The following SH2D1B variants were observed in gnomAD, a reference collection of about 807,000 sequenced individuals.
The protein encoded by SH2D1B is SH2 domain containing 1B.
A neutral mutation model predicts 16.3 loss-of-function variants in SH2D1B; 11 were observed. The ratio of observed to expected loss-of-function variants is 0.67; its 90% CI spans 0.42 to 1.11. The LOEUF is 1.11. SH2D1B is among the 50% of genes most tolerant of loss of function. The pLI, the probability that SH2D1B is intolerant of heterozygous loss-of-function variation, is 0.00. For missense variants in SH2D1B, 123 were observed against 153.1 expected (o/e 0.80, Z 1.04); for synonymous variants, 55 against 56.1 (o/e 0.98, Z 0.09).
intron 1 of SH2D1B, 31 bp downstream of exon 1, chr1:162,411,852 T>C: frequency 6.2e-7 from 1 of 1,613,750 alleles, no homozygotes; most frequent in South Asian, 1.1e-5. Flanking sequence ...CAACATACGA[T>C]GTCAGATGTG....
chr1:162,398,567 C>T (rs164122), intron 3 of SH2D1B, among the ~76,000 whole-genome samples: 52,299 of 152,036 alleles, frequency 0.34, 9,703 homozygotes, highest in East Asian at 0.55. Context: ...ACAGTATACG[C>T]TTTGGGGAGG....
chr1:162,403,396 C>A (rs374023182), intron 1 of SH2D1B, among the ~76,000 whole-genome samples: 2,552 of 144,814 alleles, frequency 0.018, 50 homozygotes, highest in South Asian at 0.097. Flanking sequence ...GGCTGAGGCA[C>A]GAGAATCGCT....
At chr1:162,403,828 A>C (rs969057777) in intron 1 of SH2D1B, among the ~76,000 whole-genome samples, 1 of 151,908 alleles carries the variant, frequency 6.6e-6, no homozygotes, top group South Asian at 2.1e-4. Context: ...CCTAACTGAA[A>C]TAAGCCAGGC....
chr1:162,396,983 C>T lies in SH2D1B; in HGVS notation c.*297G>A, dbSNP rs1051413034. 2.4e-5 allele frequency: 9 copies of T among 367,840 alleles called. No individual in the cohort carries two copies. Among genetic ancestry groups the T allele is most frequent in the Non-Finnish European group, 4.1e-5 (8 of 194,952 alleles). The allele number at this position is 367,840 out of a possible 1,614,324, so 22.8% of individuals were successfully genotyped here. A position where few individuals can be genotyped will look rare whatever the true frequency, so the allele number is the denominator to read the frequency against. On this transcript the variant is annotated 3_prime_UTR_variant, in exon 4 of 4. Transcript: ENST00000367929. ...TGCATGGTCCAAAGGAGGGTGTCAA[C>T]CATGATGTAGGGTGGTACCTTTAAC...
intron 2 of SH2D1B, among the ~76,000 whole-genome samples, chr1:162,400,879 C>T (rs977174875): frequency 4.6e-5 from 7 of 152,008 alleles, no homozygotes; most frequent in Admixed American, 3.9e-4. Context: ...AACCAGGACG[C>T]GGAAGTTGCA....
intron 2 of SH2D1B, 25 bp from the exon 3 acceptor site, chr1:162,399,112 C>T (rs368609646): frequency 2.0e-4 from 323 of 1,590,152 alleles, no homozygotes; most frequent in Non-Finnish European, 8.8e-5. Context: ...GAAAGGAAAT[C>T]ACTCATTATC....
At chr1:162,401,265 C>T (rs1193102636) in intron 2 of SH2D1B, among the ~76,000 whole-genome samples, 4 of 152,052 alleles carry the variant, frequency 2.6e-5, no homozygotes, top group African/African-American at 9.7e-5. Flanking sequence ...CTATTTTGTC[C>T]ACACAAGAGA....
chr1:162,409,285 A>G (rs572266438), intron 1 of SH2D1B, among the ~76,000 whole-genome samples: 32 of 151,934 alleles, frequency 2.1e-4, no homozygotes, highest in Non-Finnish European at 3.5e-4. Flanking sequence ...TGTTGCCATC[A>G]TTTCCCAGCT....
rs571241517 is a variant in SH2D1B at position 162,400,831 on chromosome 1, C to T, written c.199-1744G>A. 1.5e-4 allele frequency among the ~76,000 whole-genome samples: 23 copies of T among 152,034 alleles called. No individual in the cohort carries two copies. The South Asian group carries it at 2.9e-3, about 19-fold the overall frequency. On this transcript the variant is annotated intron_variant, in intron 2 of 3. Coordinates refer to ENST00000367929, the MANE Select transcript of SH2D1B (RefSeq NM_053282.5). ...GGGCATGGTAGCAGACGCCTGTAAT[C>T]CCAGCTACTCGGGAGGTTGAGCCAG...
chr1:162,400,477 T>TTTTTTTTTTTTTTTTTTTTTTG (rs71093168), intron 2 of SH2D1B, among the ~76,000 whole-genome samples: 1 of 126,124 alleles, frequency 7.9e-6, no homozygotes, highest in Non-Finnish European at 1.7e-5. Flanking sequence ...TTTTTTTTTT[T>TTTTTTTTTTTTTTTTTTTTTTG]GTATTTTTAG....
At chr1:162,397,379 A>G in intron 3 of SH2D1B, 64 bp from the exon 4 acceptor site, 1 of 1,574,862 alleles carries the variant, frequency 6.3e-7, no homozygotes. Context: ...CATATCAAAC[A>G]ACCCCACTCA....
At chr1:162,399,635 C>T (rs560674375) in intron 2 of SH2D1B, among the ~76,000 whole-genome samples, 56 of 152,316 alleles carry the variant, frequency 3.7e-4, no homozygotes, top group Non-Finnish European at 7.5e-4. Context: ...ACTAGCTATT[C>T]TTCCTGATCC....
chr1:162,398,793 C>T (rs1385786324), intron 3 of SH2D1B, 130 bp downstream of exon 3: 1 of 1,128,574 alleles, frequency 8.9e-7, no homozygotes. Context: ...GGAAATTGCT[C>T]TTAGTAGGAT....
At chr1:162,409,300 T>G (rs1422880686) in intron 1 of SH2D1B, among the ~76,000 whole-genome samples, 1 of 152,156 alleles carries the variant, frequency 6.6e-6, no homozygotes, top group Non-Finnish European at 1.5e-5. Flanking sequence ...CCAGCTTCAT[T>G]GTGTTCTCCA....
rs188987697 is a variant in SH2D1B, at chr1:162,396,865, G to A, written c.*415C>T. 68 of 158,036 alleles carry A rather than the reference G, an allele frequency of 4.3e-4. No individual in the cohort carries two copies. In the East Asian group the frequency reaches 0.01, roughly 23 times the overall value. 9.8% of individuals were successfully genotyped at this position (158,036 alleles called of 1,614,324 possible). On this transcript the variant is annotated 3_prime_UTR_variant, in exon 4 of 4. Coordinates refer to ENST00000367929, the MANE Select transcript of SH2D1B (RefSeq NM_053282.5). The stretch of plus-strand genomic sequence containing the variant: ...CTAAGACCTGGAGATGGGCAGAAAC[G>A]TGTTCAAAGTCACACAGCCACAGGA...
At chr1:162,405,699 A>C (rs1648639718) in intron 1 of SH2D1B, among the ~76,000 whole-genome samples, 1 of 152,222 alleles carries the variant, frequency 6.6e-6, no homozygotes, top group African/African-American at 2.4e-5. Context: ...CATTTATGAG[A>C]AATACACTGG....
At chr1:162,402,583 GA>G in intron 2 of SH2D1B, 155 bp downstream of exon 2, 1 of 597,782 alleles carries the variant, frequency 1.7e-6, no homozygotes, top group Non-Finnish European at 3.0e-6. Context: ...TCTCTTCAGG[GA>G]AAAACCAGGT....
chr1:162,400,255 T>A (rs184189659), intron 2 of SH2D1B, among the ~76,000 whole-genome samples: 1 of 151,716 alleles, frequency 6.6e-6, no homozygotes, highest in East Asian at 1.9e-4. Flanking sequence ...TGTAAATAGA[T>A]GTTTTCTGTT....
chr1:162,405,315 GT>G (rs758238296), intron 1 of SH2D1B, among the ~76,000 whole-genome samples: 2 of 152,296 alleles, frequency 1.3e-5, no homozygotes, highest in South Asian at 4.1e-4. Context: ...TGCAAGTGAA[GT>G]TTTGGAGGTG....
Sources: allele counts gnomAD v4.1 joint callset (sites outside exome capture counted in the v4.1 genomes callset), GRCh38; gene constraint gnomAD v4.1.1; transcripts MANE v1.5; gene names NCBI Gene and HGNC (gene_info 2026-07-23, HGNC 2026-07-21).